The following SPTBN2 variants were observed in gnomAD, a reference collection of about 807,000 sequenced individuals.
The protein encoded by SPTBN2 is spectrin beta, non-erythrocytic 2.
SPTBN2 carries 107 observed loss-of-function variants against 284.2 expected under a neutral mutation model. The observed-to-expected ratio is 0.38, with a 90% CI of 0.32 to 0.44. The LOEUF (loss-of-function observed/expected upper bound fraction) is 0.44. Ranked by LOEUF, SPTBN2 falls within the 20% of genes least tolerant of loss-of-function variation. The probability of loss-of-function intolerance (pLI) is 1.00; values close to 1 mark genes in which losing one functional copy is unlikely to be tolerated. For missense variants in SPTBN2, 2,569 were observed against 3,287.1 expected, an observed-to-expected ratio of 0.78 and a Z score of 5.34; for synonymous variants, 1,289 against 1,354.8, an observed-to-expected ratio of 0.95 and a Z score of 1.07.
rs1941706083 is a variant in SPTBN2 at position 66,708,847 on chromosome 11, G to C, written c.1191+55C>G. The stretch of plus-strand genomic sequence containing the variant: ...GCCCCGGGTTTGGGGATGTGTGCAA[G>C]GCATCTGGGCCAGGGCCTGCCCTGA... On this transcript the variant is annotated intron_variant, in intron 11 of 37. Coordinates refer to ENST00000533211, the MANE Select transcript of SPTBN2 (RefSeq NM_006946.4). This position sits in a 1 kb window ranked among gnomAD's most constrained non-coding sequence, Gnocchi z 4.4. 11 of 1,447,130 alleles carry C rather than the reference G, an allele frequency of 7.6e-6. No individual in the cohort carries two copies. Among genetic ancestry groups the C allele is most frequent in the Middle Eastern group, 1.9e-4 (1 of 5,308 alleles). 89.6% of individuals were successfully genotyped at this position (1,447,130 alleles called of 1,614,324 possible). A position where few individuals can be genotyped will look rare whatever the true frequency, so the allele number is the denominator to read the frequency against.
Position 66,715,494 on chromosome 11 carries a change from A to T in SPTBN2, c.310-99T>A, listed in dbSNP as rs567703451. 2 of 1,455,810 alleles carry T rather than the reference A, an allele frequency of 1.4e-6. No individual in the cohort carries two copies. The highest frequency in any genetic ancestry group is 2.7e-5 in the South Asian group (2 of 74,012). 90.2% of individuals were successfully genotyped at this position (1,455,810 alleles called of 1,614,324 possible). A position where few individuals can be genotyped will look rare whatever the true frequency, so the allele number is the denominator to read the frequency against. Reference sequence around the variant, plus strand: ...GCTTTGCACACCTTCCCCATGACCTACCTCAGGAACACAGACAGGCACAGC... The same window carrying T: ...GCTTTGCACACCTTCCCCATGACCTTCCTCAGGAACACAGACAGGCACAGC... On this transcript the variant is annotated intron_variant, in intron 4 of 37. Transcript: ENST00000533211. This position sits in a 1 kb window ranked among gnomAD's most constrained non-coding sequence, Gnocchi z 5.3.
At chr11:66,740,332 C>A (rs1942887305) in intron 1 of SPTBN2, among the ~76,000 whole-genome samples, 1 of 152,216 alleles carries the variant, frequency 6.6e-6, no homozygotes, top group Admixed American at 6.5e-5. Context: ...AAGAATCTCT[C>A]TTTTCCCCTA....
At chr11:66,717,649 C>T (rs1466613327) in intron 3 of SPTBN2, among the ~76,000 whole-genome samples, 1 of 152,210 alleles carries the variant, frequency 6.6e-6, no homozygotes, top group Non-Finnish European at 1.5e-5. Flanking sequence ...GCGTGGGTCA[C>T]AGGCCATTGC....
chr11:66,733,605 T>C (rs185076051), upstream of SPTBN2, among the ~76,000 whole-genome samples: 104 of 152,286 alleles, frequency 6.8e-4, no homozygotes, highest in African/African-American at 2.4e-3. Context: ...CAATTGTATA[T>C]GGGCGTGGAC....
At chr11:66,725,808 C>A (rs1942600608) in intron 1 of SPTBN2, among the ~76,000 whole-genome samples, 2 of 152,202 alleles carry the variant, frequency 1.3e-5, no homozygotes, top group Admixed American at 1.3e-4. Context: ...GCCGATCCTC[C>A]AGGGCAGTTT....
Position 66,683,366 on chromosome 11 carries a change from C to T in SPTBN2, c.*2505G>A, listed in dbSNP as rs1939911973. 6.6e-6 allele frequency among the ~76,000 whole-genome samples: 1 copy of T among 152,190 alleles called. No individual in the cohort carries two copies. The highest frequency in any genetic ancestry group is 2.1e-4 in the South Asian group (1 of 4,824). On this transcript the variant is annotated 3_prime_UTR_variant, in exon 38 of 38. Transcript: ENST00000533211. ...CAGGCGTGAGCCACCGCGCCCGGCC[C>T]AAGTAATCCATTTTTATCTGCCATC...
Position 66,692,670 on chromosome 11 carries a change from G to C in SPTBN2, c.5056C>G (p.Arg1686Gly), listed in dbSNP as rs368373337. 17 of 1,605,368 alleles carry C rather than the reference G, an allele frequency of 1.1e-5. No homozygotes were observed. Among genetic ancestry groups the C allele is most frequent in the Non-Finnish European group, 1.4e-5 (17 of 1,179,950 alleles). ...AGGTGCTCCTGCAGGCGCTCCCGCC[G>C]CTCTCCAGCCAGCTCCTTCAGGCCG... ...YAGLKELAGERRERLQEHLRL... is the reference protein window; with the variant it reads ...YAGLKELAGEGRERLQEHLRL... Residue 1686 changes from arginine (R) to glycine (G), a missense_variant, in exon 26 of 38, where the codon CGG (arginine) becomes GGG (glycine). Coordinates refer to ENST00000533211, the MANE Select transcript of SPTBN2 (RefSeq NM_006946.4).
At chr11:66,722,803 G>C (rs566316857) in intron 1 of SPTBN2, among the ~76,000 whole-genome samples, 35 of 145,792 alleles carry the variant, frequency 2.4e-4, no homozygotes, top group Non-Finnish European at 4.5e-4. Context: ...TGAGACAGGA[G>C]AATCACTTGA....
At position 66,685,973 on chromosome 11, in the gene SPTBN2, T is replaced by A. The variant is rs1565106017; in HGVS notation, c.7071A>T (p.Pro2357=). The change falls in exon 38 of 38, where the codon CCA becomes CCT. Residue 2357 remains proline, a synonymous_variant. Coordinates refer to ENST00000533211, the MANE Select transcript of SPTBN2 (RefSeq NM_006946.4). The surrounding 1 kb of genome is among the most constrained non-coding windows in gnomAD (Gnocchi z 4.4). ...RGMTRAMTMP[P]VSPVGAEGPV... is the part of the protein sequence containing the mutation. ...GCCCCTCAGCCCCGACGGGTGACACTGGGGGCATGGTCATGGCCCGGGTCA... is the reference window on the plus strand; with the variant it reads ...GCCCCTCAGCCCCGACGGGTGACACAGGGGGCATGGTCATGGCCCGGGTCA... 5 of 1,613,856 alleles carry A rather than the reference T, an allele frequency of 3.1e-6. No individual in the cohort carries two copies. The highest frequency in any genetic ancestry group is 1.7e-5 in the Admixed American group (1 of 60,028).
chr11:66,687,565 G>A lies in SPTBN2; in HGVS notation c.6584C>T (p.Pro2195Leu). The A allele has an allele frequency of 6.2e-7, 1 of 1,612,104 alleles. No homozygotes were observed. The highest frequency in any genetic ancestry group is 8.5e-7 in the Non-Finnish European group (1 of 1,179,906). ...GGCTGACTCGGTAGACCTGCTCTGG[G>A]GCATTGCAGATGGGGCCGGGCCCCG... Reference protein sequence around the residue: ...RTRGPAPSAMPQSRSTESAHA... With the variant: ...RTRGPAPSAMLQSRSTESAHA... The change falls in exon 35 of 38, where the codon CCC becomes CTC. Residue 2195 changes from proline to leucine, a missense_variant. This residue lies in a region of SPTBN2 where 1,130 missense variants were observed against 1,317.3 expected (regional missense o/e 0.86). Transcript: ENST00000533211. The surrounding 1 kb of genome is among the most constrained non-coding windows in gnomAD (Gnocchi z 5.2).
rs773753145 is a variant in SPTBN2 at position 66,685,913 on chromosome 11, T to C, written c.7131A>G (p.Arg2377=). ...AGAAGCTGAAGCGTTTTTCTCGCTC[T>C]CGTTCTCTGCCGTCTTTGCTGCGGA... ...VVLRSKDGRE[R]EREKRFSFFK... The change falls in exon 38 of 38, where the codon CGA becomes CGG. Residue 2377 remains arginine, a synonymous_variant. Transcript: ENST00000533211. This position sits in a 1 kb window ranked among gnomAD's most constrained non-coding sequence, Gnocchi z 4.4. 4.3e-6 allele frequency: 7 copies of C among 1,613,986 alleles called. No individual in the cohort carries two copies. The highest frequency in any genetic ancestry group is 5.9e-6 in the Non-Finnish European group (7 of 1,180,028).
chr11:66,698,101 G>GGAC (rs1174368112), intron 20 of SPTBN2, among the ~76,000 whole-genome samples: 3 of 152,168 alleles, frequency 2.0e-5, no homozygotes, highest in African/African-American at 7.2e-5. Flanking sequence ...CAAGAACCAG[G>GGAC]GACGGCAAGA....
In SPTBN2 at chr11:66,701,568, G is replaced by A; in HGVS notation, c.2816+16C>T. ...ATTTTTCTGTCAGTTTCCTGGTCCT[G>A]CCCTCCCAAACCCACCTGTGGTTGA... On this transcript the variant is annotated intron_variant, in intron 16 of 37. Transcript: ENST00000533211. 1 of 1,614,068 alleles carries A rather than the reference G, an allele frequency of 6.2e-7. No individual in the cohort carries two copies. The highest frequency in any genetic ancestry group is 8.5e-7 in the Non-Finnish European group (1 of 1,180,014).
chr11:66,709,083 T>C, intron 10 of SPTBN2, 64 bp from the exon 11 acceptor site: 1 of 1,320,376 alleles, frequency 7.6e-7, no homozygotes, highest in Non-Finnish European at 1.1e-6. Flanking sequence ...GACTCTTTAC[T>C]CTTCCAAATG....
chr11:66,725,407 C>T (rs1468318286), intron 1 of SPTBN2, among the ~76,000 whole-genome samples: 1 of 152,230 alleles, frequency 6.6e-6, no homozygotes, highest in African/African-American at 2.4e-5. Flanking sequence ...TAGATTCCCA[C>T]TGATTTCTAT....
chr11:66,690,291 G>A lies in SPTBN2; in HGVS notation c.5566-8C>T. ...GTCCTGCACCTGCTGGACCTGCGGA[G>A]CCCCGGGTCAGAGTCAGGCAGAGCG... On this transcript the variant is annotated splice_region_variant and splice_polypyrimidine_tract_variant and intron_variant, in intron 27 of 37. Coordinates refer to ENST00000533211, the MANE Select transcript of SPTBN2 (RefSeq NM_006946.4). 1 of 1,601,370 alleles carries A rather than the reference G, an allele frequency of 6.2e-7. No individual in the cohort carries two copies. Among genetic ancestry groups the A allele is most frequent in the Non-Finnish European group, 8.5e-7 (1 of 1,175,400 alleles).
chr11:66,686,260 G>C (rs1940104062), intron 37 of SPTBN2, 138 bp downstream of exon 37: 2 of 1,399,576 alleles, frequency 1.4e-6, no homozygotes, highest in East Asian at 2.3e-5. Context: ...GTGCGGCCTG[G>C]TGCGGCCGTC....
chr11:66,733,321 A>G (rs544087928), upstream of SPTBN2, among the ~76,000 whole-genome samples: 4 of 152,324 alleles, frequency 2.6e-5, no homozygotes, highest in African/African-American at 9.6e-5. Context: ...GGGTAGGGTG[A>G]CAGAGAAGAT....
chr11:66,701,473 T>G (rs1941244231), intron 16 of SPTBN2, 111 bp downstream of exon 16: 2 of 1,579,126 alleles, frequency 1.3e-6, no homozygotes, highest in Admixed American at 3.4e-5. Context: ...CAGACTGGTT[T>G]GCTTCCTCCT....
Sources: gnomAD v4.1 joint callset for allele counts (sites outside exome capture counted in the v4.1 genomes callset) on GRCh38, gnomAD v4.1.1 for gene constraint, gnomAD v4.1.1 regional missense constraint, Gnocchi (gnomAD v3.1) non-coding constraint, MANE v1.5 for transcripts, NCBI Gene and HGNC (gene_info 2026-07-23, HGNC 2026-07-21) for gene names.